The following AMOTL1 variants were observed in gnomAD, a reference collection of about 807,000 sequenced individuals.
The protein encoded by AMOTL1 is angiomotin like 1, also known as angiomotin-like protein 1.
AMOTL1 carries 45 observed loss-of-function variants against 102.9 expected under a neutral mutation model. The observed-to-expected ratio is 0.44, with a 90% CI of 0.34 to 0.56. AMOTL1 has a LOEUF of 0.56. Among genes scored for constraint, AMOTL1 ranks in the 20% least tolerant of loss-of-function variants. The probability of loss-of-function intolerance (pLI) is 0.01; values close to 1 mark genes in which losing one functional copy is unlikely to be tolerated. For synonymous variants in AMOTL1, 481 were observed against 484.7 expected (o/e 0.99, Z 0.10); for missense variants, 1,114 against 1,225.6 (o/e 0.91, Z 1.36).
chr11:94,828,521 C>T (rs188007570), intron 4 of AMOTL1, among the ~76,000 whole-genome samples: 1 of 152,282 alleles, frequency 6.6e-6, no homozygotes, highest in East Asian at 1.9e-4. Flanking sequence ...ATTTAAAGTC[C>T]TTCCTTCTGG....
In AMOTL1 at chr11:94,740,585, C is replaced by G. The variant is rs1007977117; in HGVS notation, c.86-353C>G. Among the ~76,000 whole-genome samples the G allele has an allele frequency of 3.2e-4, 48 of 151,700 alleles. 3 individuals are homozygous for G. The highest frequency in any genetic ancestry group is 1.5e-5 in the Non-Finnish European group (1 of 67,892). Reference sequence around the variant, plus strand: ...TCGGCGCTGGGGCGTCGGCGCCAGGCCCGGCAGACAGAGCAATGCGCCCCG... The same window carrying G: ...TCGGCGCTGGGGCGTCGGCGCCAGGGCCGGCAGACAGAGCAATGCGCCCCG... On this transcript the variant is annotated intron_variant, in intron 2 of 4. Transcript: ENST00000299004.
intron 1 of AMOTL1, among the ~76,000 whole-genome samples, chr11:94,707,240 C>CTG (rs1334149987): frequency 4.6e-5 from 4 of 86,998 alleles, no homozygotes; most frequent in South Asian, 3.9e-4. Context: ...CTCTCTCTCT[C>CTG]TCTCTCTCTC....
chr11:94,866,194 A>G (rs752651308), intron 11 of AMOTL1, 26 bp downstream of exon 11: 31 of 1,607,996 alleles, frequency 1.9e-5, no homozygotes, highest in Admixed American at 3.3e-5. Context: ...CTGTCAGACC[A>G]TGATTGGAAA....
At chr11:94,769,476 C>G (rs750976391) in intron 1 of AMOTL1, among the ~76,000 whole-genome samples, 11 of 152,206 alleles carry the variant, frequency 7.2e-5, no homozygotes, top group Non-Finnish European at 1.3e-4. Context: ...AAGTTTCCCC[C>G]CTCAGAGCCC....
chr11:94,725,982 T>A lies in AMOTL1; in HGVS notation c.-50-2939T>A, dbSNP rs1035000601. 5.9e-5 allele frequency among the ~76,000 whole-genome samples: 9 copies of A among 152,244 alleles called. No homozygotes were observed. In the East Asian group the frequency reaches 1.7e-3, roughly 29 times the overall value. On this transcript the variant is annotated intron_variant, in intron 1 of 4. Transcript: ENST00000299004. ...AATGAAGACCAGGGACTCACTGAAGTTGTCATAGTGCTTAGTGAGAGATGA... is the reference window on the plus strand; with the variant it reads ...AATGAAGACCAGGGACTCACTGAAGATGTCATAGTGCTTAGTGAGAGATGA...
At chr11:94,794,937 G>A in intron 1 of AMOTL1, 74 bp from the exon 2 acceptor site, 2 of 1,461,526 alleles carry the variant, frequency 1.4e-6, no homozygotes, top group Non-Finnish European at 1.8e-6. Flanking sequence ...ATGCCTGGTG[G>A]GTTCTTGTGA....
chr11:94,719,901 G>A (rs1278377543), intron 1 of AMOTL1, among the ~76,000 whole-genome samples: 1 of 151,960 alleles, frequency 6.6e-6, no homozygotes. Flanking sequence ...TAAGAAATAC[G>A]GGCACCCAAG....
At position 94,869,415 on chromosome 11, in the gene AMOTL1, C is replaced by A. The variant is rs753206231; in HGVS notation, c.2706C>A (p.Thr902=). 2 of 1,605,238 alleles carry A rather than the reference C, an allele frequency of 1.2e-6. No individual in the cohort carries two copies. The highest frequency in any genetic ancestry group is 2.3e-5 in the East Asian group (1 of 44,338). Residue 902 remains threonine (T), a synonymous_variant, in exon 12 of 13, where the codon ACC becomes ACA. Transcript: ENST00000433060. ...SLPSRGRLST[T]PAHSPVLKHP... ...CCAGCCGCGGCCGGCTGAGCACGACCCCTGCTCACAGCCCCGTCCTGAAAC... is the reference window on the plus strand; with the variant it reads ...CCAGCCGCGGCCGGCTGAGCACGACACCTGCTCACAGCCCCGTCCTGAAAC...
chr11:94,707,009 G>T (rs150839890), intron 1 of AMOTL1, among the ~76,000 whole-genome samples: 4,827 of 152,154 alleles, frequency 0.032, 80 homozygotes, highest in Non-Finnish European at 0.05. Flanking sequence ...CAGCTCTCTG[G>T]AGAGCCTTGA....
intron 1 of AMOTL1, among the ~76,000 whole-genome samples, chr11:94,785,910 C>T (rs1387086684): frequency 2.0e-5 from 3 of 152,156 alleles, no homozygotes; most frequent in Admixed American, 6.5e-5. Context: ...TTACTGTCTG[C>T]ATTGAGTATT....
chr11:94,768,428 G>A lies in AMOTL1; in HGVS notation c.-84G>A. On this transcript the variant is annotated 5_prime_UTR_variant, in exon 1 of 13. Transcript: ENST00000433060. ...CTGGAGGTGAAGCCCTGTGTGAATG[G>A]GGTTGATTGTCCGGCGCCACTTCCC... The A allele has an allele frequency of 6.5e-7, 1 of 1,542,978 alleles. No individual in the cohort carries two copies.
intron 1 of AMOTL1, among the ~76,000 whole-genome samples, chr11:94,769,225 G>T (rs1363462873): frequency 3.3e-5 from 5 of 152,236 alleles, no homozygotes; most frequent in Non-Finnish European, 1.5e-5. Flanking sequence ...CTGCTTTCGC[G>T]GGGAGAAAAT....
At chr11:94,841,790 G>A (rs1952307653) in intron 6 of AMOTL1, among the ~76,000 whole-genome samples, 1 of 152,158 alleles carries the variant, frequency 6.6e-6, no homozygotes, top group South Asian at 2.1e-4. Flanking sequence ...ACTTGGGTGG[G>A]TAAAAAAACC....
At chr11:94,796,126 A>C (rs188600004) in intron 2 of AMOTL1, among the ~76,000 whole-genome samples, 1 of 152,286 alleles carries the variant, frequency 6.6e-6, no homozygotes, top group East Asian at 1.9e-4. Flanking sequence ...TTTGCTGTTG[A>C]ACTTTGGGTT....
In AMOTL1 at chr11:94,869,323, A is replaced by G. The variant is rs1414210124; in HGVS notation, c.2614A>G (p.Ser872Gly). The change falls in exon 12 of 13, where the codon AGC becomes GGC. Residue 872 changes from serine (S) to glycine (G), a missense_variant. Physicochemically the swap from Ser to Gly is moderately conservative, Grantham distance 56. Coordinates refer to ENST00000433060, the MANE Select transcript of AMOTL1 (RefSeq NM_130847.3). ...AASSAHAKTGSKDSSTQTDKS... is the reference protein window; with the variant it reads ...AASSAHAKTGGKDSSTQTDKS... The stretch of plus-strand genomic sequence containing the variant: ...CAGCAGTGCCCACGCCAAGACAGGC[A>G]GCAAGGACAGCAGCACACAGACTGA... 6.2e-7 allele frequency: 1 copy of G among 1,612,642 alleles called. No individual in the cohort carries two copies. Among genetic ancestry groups the G allele is most frequent in the Non-Finnish European group, 8.5e-7 (1 of 1,179,442 alleles).
At chr11:94,852,100 A>G (rs1439954460) in intron 7 of AMOTL1, among the ~76,000 whole-genome samples, 1 of 152,240 alleles carries the variant, frequency 6.6e-6, no homozygotes, top group Non-Finnish European at 1.5e-5. Context: ...TAAGTGGTGT[A>G]TGAATCACAC....
chr11:94,789,411 G>A (rs1042908509), intron 1 of AMOTL1, among the ~76,000 whole-genome samples: 6 of 152,174 alleles, frequency 3.9e-5, no homozygotes, highest in Non-Finnish European at 8.8e-5. Flanking sequence ...CACCCTCCTC[G>A]GCCTCCCGAA....
Position 94,873,032 on chromosome 11 carries a change from C to A in AMOTL1, c.*2237C>A, listed in dbSNP as rs573892075. 6.6e-6 allele frequency: 1 copy of A among 152,284 alleles called. No individual in the cohort carries two copies. The highest frequency in any genetic ancestry group is 1.9e-4 in the East Asian group (1 of 5,170). The allele number at this position is 152,284 out of a possible 1,614,324, so 9.4% of individuals were successfully genotyped here. A position where few individuals can be genotyped will look rare whatever the true frequency, so the allele number is the denominator to read the frequency against. On this transcript the variant is annotated 3_prime_UTR_variant, in exon 13 of 13. Coordinates refer to ENST00000433060, the MANE Select transcript of AMOTL1 (RefSeq NM_130847.3). The stretch of plus-strand genomic sequence containing the variant: ...GTAAATCAACTCTGCCAGCCCCTAC[C>A]ATCAGGTCTGGGCCACCCCAAACTT...
At chr11:94,730,023 G>A (rs1474847251) in intron 2 of AMOTL1, among the ~76,000 whole-genome samples, 1 of 152,168 alleles carries the variant, frequency 6.6e-6, no homozygotes, top group African/African-American at 2.4e-5. Flanking sequence ...AGGGAAGACA[G>A]GAAGCTTTGA....
Sources: gnomAD v4.1 joint callset for allele counts (sites outside exome capture counted in the v4.1 genomes callset) on GRCh38, gnomAD v4.1.1 for gene constraint, MANE v1.5 for transcripts, NCBI Gene and HGNC (gene_info 2026-07-23, HGNC 2026-07-21) for gene names.